The following PAPPA2 variants were observed in gnomAD, a reference collection of about 807,000 sequenced individuals.
PAPPA2 encodes pappalysin 2, also known as pappalysin-2.
In PAPPA2, 86 loss-of-function variants were observed where a neutral mutation model predicts 176.4. The observed-to-expected ratio is 0.49, with a 90% CI of 0.41 to 0.58. The LOEUF (loss-of-function observed/expected upper bound fraction) is 0.58. PAPPA2 is among the 20% of genes least tolerant of loss of function. PAPPA2 has a pLI of 0.00. For missense variants in PAPPA2, 2,073 were observed against 2,256.9 expected, an observed-to-expected ratio of 0.92 and a Z score of 1.65; for synonymous variants, 809 against 852.2, an observed-to-expected ratio of 0.95 and a Z score of 0.88.
intron 12 of PAPPA2, among the ~76,000 whole-genome samples, chr1:176,738,278 G>A (rs766960015): frequency 1.3e-5 from 2 of 152,116 alleles, no homozygotes; most frequent in Non-Finnish European, 2.9e-5. Context: ...GAAAGACACT[G>A]TAAAAAGAGA....
chr1:176,534,784 A>G (rs1649982854), intron 1 of PAPPA2, among the ~76,000 whole-genome samples: 1 of 152,202 alleles, frequency 6.6e-6, no homozygotes, highest in Admixed American at 6.5e-5. Flanking sequence ...TTTGTGAATC[A>G]TGTGCTTCAA....
chr1:176,605,054 T>TTAA (rs1654535689), intron 3 of PAPPA2, among the ~76,000 whole-genome samples: 4 of 152,220 alleles, frequency 2.6e-5, no homozygotes, highest in African/African-American at 9.6e-5. Context: ...GGGAATGGCT[T>TTAA]TAAGCCATTT....
intron 1 of PAPPA2, among the ~76,000 whole-genome samples, chr1:176,466,898 G>A (rs772889485): frequency 4.6e-5 from 7 of 152,278 alleles, no homozygotes; most frequent in Non-Finnish European, 8.8e-5. Flanking sequence ...CTGGTGTTAG[G>A]CTCACCTGTT....
intron 17 of PAPPA2, among the ~76,000 whole-genome samples, chr1:176,785,153 A>G (rs1353400970): frequency 6.6e-6 from 1 of 152,182 alleles, no homozygotes; most frequent in Non-Finnish European, 1.5e-5. Context: ...CCCTATGGGG[A>G]AACCAAATTT....
intron 17 of PAPPA2, among the ~76,000 whole-genome samples, chr1:176,781,721 T>C (rs1664730451): frequency 1.3e-5 from 2 of 152,130 alleles, no homozygotes; most frequent in East Asian, 1.9e-4. Flanking sequence ...TTAATATGCA[T>C]AGGAATTATT....
rs139703067 is a variant in PAPPA2 at position 176,666,074 on chromosome 1, G to A, written c.1992-4896G>A. On this transcript the variant is annotated intron_variant, in intron 3 of 22. Transcript: ENST00000367662. ...TGAGCATGGAGAGTGAGAAAAGAAT[G>A]GACCACAAACAGAACCCTGGGAAAT... Among the ~76,000 whole-genome samples the A allele has an allele frequency of 5.6e-3, 850 of 152,130 alleles. 12 individuals are homozygous for A. Among genetic ancestry groups the A allele is most frequent in the African/African-American group, 0.019 (799 of 41,498 alleles).
chr1:176,619,482 G>T (rs1294137950), intron 3 of PAPPA2, among the ~76,000 whole-genome samples: 1 of 152,178 alleles, frequency 6.6e-6, no homozygotes, highest in Non-Finnish European at 1.5e-5. Flanking sequence ...CAGTGGGAAA[G>T]AATGCTGTGT....
Position 176,749,377 on chromosome 1 carries a change from C to T in PAPPA2, c.4151+9181C>T, listed in dbSNP as rs117749942. ...CCCAATGATCCCACCCATGCCTAGC[C>T]ACTCCTGCTATCAACATCCCCCACC... On this transcript the variant is annotated intron_variant, in intron 14 of 22. Coordinates refer to ENST00000367662, the MANE Select transcript of PAPPA2 (RefSeq NM_020318.3). Among the ~76,000 whole-genome samples the T allele has an allele frequency of 5.8e-4, 88 of 152,292 alleles. No homozygotes were observed. In the East Asian group the frequency reaches 0.015, roughly 27 times the overall value.
intron 1 of PAPPA2, among the ~76,000 whole-genome samples, chr1:176,464,008 CA>C (rs971611265): frequency 5.3e-5 from 8 of 152,040 alleles, no homozygotes; most frequent in African/African-American, 1.9e-4. Flanking sequence ...ATAATTGAGC[CA>C]AATATCTTAT....
intron 1 of PAPPA2, among the ~76,000 whole-genome samples, chr1:176,545,079 G>A (rs1215672682): frequency 6.6e-6 from 1 of 152,120 alleles, no homozygotes; most frequent in Non-Finnish European, 1.5e-5. Flanking sequence ...AGCCGTTGGT[G>A]ATTAAACTTA....
At chr1:176,775,681 A>C (rs1664427804) in intron 17 of PAPPA2, among the ~76,000 whole-genome samples, 1 of 152,114 alleles carries the variant, frequency 6.6e-6, no homozygotes, top group Non-Finnish European at 1.5e-5. Context: ...TTACATCAGA[A>C]TCTCTGGGGG....
At chr1:176,795,741 G>T (rs142572890) in intron 20 of PAPPA2, among the ~76,000 whole-genome samples, 1 of 152,102 alleles carries the variant, frequency 6.6e-6, no homozygotes, top group East Asian at 1.9e-4. Context: ...CTATTTTTCT[G>T]GAATACCATA....
chr1:176,807,500 T>TC (rs1179379647), intron 21 of PAPPA2, among the ~76,000 whole-genome samples: 34 of 150,304 alleles, frequency 2.3e-4, no homozygotes, highest in Non-Finnish European at 3.3e-4. Flanking sequence ...TTTCTTTCTT[T>TC]TTTTTTTTTT....
chr1:176,623,815 TTTCTTC>T (rs1382905851), intron 3 of PAPPA2, among the ~76,000 whole-genome samples: 10 of 113,356 alleles, frequency 8.8e-5, no homozygotes, highest in African/African-American at 1.6e-4. Context: ...TTCTTCTTTC[TTTCTTC>T]TCTCTCTCTC....
At chr1:176,604,725 T>C (rs1393016398) in intron 3 of PAPPA2, among the ~76,000 whole-genome samples, 2 of 152,234 alleles carry the variant, frequency 1.3e-5, no homozygotes, top group African/African-American at 2.4e-5. Flanking sequence ...GTCTGTCTCT[T>C]GCACAAGACT....
rs116469541 is a variant in PAPPA2 at position 176,469,323 on chromosome 1, T to A, written c.-917+5905T>A. Among the ~76,000 whole-genome samples, 425 of 152,274 alleles carry A rather than the reference T, an allele frequency of 2.8e-3. 1 individual carries two copies. The highest frequency in any genetic ancestry group is 9.7e-3 in the African/African-American group (405 of 41,550). On this transcript the variant is annotated intron_variant, in intron 1 of 22. Transcript: ENST00000367662. ...CCTATTAAATGCACTAGTCCCTTCT[T>A]CTCTCCCTCACCTTGCTTTCTCTTC...
intron 2 of PAPPA2, among the ~76,000 whole-genome samples, chr1:176,573,495 C>T (rs1275948194): frequency 6.6e-6 from 1 of 152,128 alleles, no homozygotes; most frequent in East Asian, 1.9e-4. Flanking sequence ...AAATTTCACA[C>T]TGGTTGTCCT....
chr1:176,672,509 A>T (rs1659067005), intron 4 of PAPPA2, among the ~76,000 whole-genome samples: 1 of 152,236 alleles, frequency 6.6e-6, no homozygotes, highest in African/African-American at 2.4e-5. Context: ...ATGAGCAAGT[A>T]TTCAAAAGAT....
At chr1:176,538,218 T>C (rs568032157) in intron 1 of PAPPA2, among the ~76,000 whole-genome samples, 2 of 152,296 alleles carry the variant, frequency 1.3e-5, no homozygotes, top group African/African-American at 4.8e-5. Context: ...CCTTTCCCAT[T>C]CACTTCCCCA....
Sources: gnomAD v4.1 joint callset for allele counts (sites outside exome capture counted in the v4.1 genomes callset) on GRCh38, gnomAD v4.1.1 for gene constraint, MANE v1.5 for transcripts, NCBI Gene and HGNC (gene_info 2026-07-23, HGNC 2026-07-21) for gene names.